TXLNB: variants seen among roughly 807,000 people sequenced by gnomAD.
TXLNB encodes the protein taxilin beta.
TXLNB carries 37 observed loss-of-function variants against 57.4 expected under a neutral mutation model. The ratio of observed to expected loss-of-function variants is 0.64; its 90% CI spans 0.50 to 0.85. The LOEUF is 0.85. Among genes scored for constraint, TXLNB ranks in the 40% least tolerant of loss-of-function variants. The pLI is 0.00. For missense variants in TXLNB, 848 were observed against 825.6 expected (o/e 1.03, Z -0.33); for synonymous variants, 302 against 309.6 (o/e 0.98, Z 0.26).
chr6:139,204,933 C>A, the TXLNB span, among the ~76,000 whole-genome samples: 2 of 152,184 alleles, frequency 1.3e-5, no homozygotes, highest in Non-Finnish European at 1.5e-5. Context: ...AACCACCCCC[C>A]ATCCCCACAG....
the TXLNB span, among the ~76,000 whole-genome samples, chr6:139,304,201 T>C: frequency 6.6e-6 from 1 of 152,198 alleles, no homozygotes; most frequent in Non-Finnish European, 1.5e-5. Flanking sequence ...TTGTTATTTA[T>C]TTGGCACTCT....
the TXLNB span, among the ~76,000 whole-genome samples, chr6:139,199,166 C>G: frequency 6.6e-6 from 1 of 152,120 alleles, no homozygotes; most frequent in East Asian, 1.9e-4. Flanking sequence ...ACACTCCGTT[C>G]AGCAAAATGA....
Position 139,272,069 on chromosome 6 carries a change from G to T in TXLNB, c.517-1443C>A, listed in dbSNP as rs1776778706. On this transcript the variant is annotated intron_variant, in intron 3 of 9. Coordinates refer to ENST00000358430, the MANE Select transcript of TXLNB (RefSeq NM_153235.4). ...CATGCCTGTAATCCCTGCACTTTTG[G>T]ATGCTGAGGCAGGCAGATCATGAGG... 2.0e-5 allele frequency among the ~76,000 whole-genome samples: 3 copies of T among 152,146 alleles called. No homozygotes were observed. The South Asian group carries it at 6.2e-4, about 32-fold the overall frequency.
the TXLNB span, among the ~76,000 whole-genome samples, chr6:139,306,033 C>T: frequency 6.6e-6 from 1 of 152,164 alleles, no homozygotes; most frequent in Non-Finnish European, 1.5e-5. Context: ...CAACAATTTT[C>T]ATTGAAGTGA....
chr6:139,225,211 T>C, the TXLNB span, among the ~76,000 whole-genome samples: 1 of 152,202 alleles, frequency 6.6e-6, no homozygotes, highest in African/African-American at 2.4e-5. Flanking sequence ...ACAGATGCCA[T>C]AGAGTAAACA....
In TXLNB at chr6:139,242,898, A is replaced by G. The variant is rs973125737; in HGVS notation, c.1683T>C (p.Pro561=). ...CACTGCCTCCTTCGGCTTCAGCCTGAGGAGTTAGGGGAGGCAGGGGACTCT... is the reference window on the plus strand; with the variant it reads ...CACTGCCTCCTTCGGCTTCAGCCTGGGGAGTTAGGGGAGGCAGGGGACTCT... The part of the protein sequence containing the change: ...DSESPLPPLT[P]QAEAEGGSDA... Residue 561 remains proline (P), a synonymous_variant, in exon 10 of 10, where the codon CCT becomes CCC. Coordinates refer to ENST00000358430, the MANE Select transcript of TXLNB (RefSeq NM_153235.4). The G allele has an allele frequency of 6.2e-7, 1 of 1,613,842 alleles. No individual in the cohort carries two copies. The highest frequency in any genetic ancestry group is 1.7e-5 in the Admixed American group (1 of 59,990).
chr6:139,246,575 C>T (rs1776070797), intron 8 of TXLNB, among the ~76,000 whole-genome samples: 1 of 151,964 alleles, frequency 6.6e-6, no homozygotes, highest in South Asian at 2.1e-4. Flanking sequence ...AATTTAACTT[C>T]ACAATCTTGT....
intron 6 of TXLNB, 75 bp downstream of exon 6, chr6:139,260,243 T>C (rs1427620633): frequency 1.3e-6 from 2 of 1,501,472 alleles, no homozygotes; most frequent in East Asian, 2.3e-5. Context: ...AATAAATAAA[T>C]ACAAAACAAC....
chr6:139,201,453 G>T, the TXLNB span, among the ~76,000 whole-genome samples: 2 of 152,180 alleles, frequency 1.3e-5, no homozygotes, highest in South Asian at 4.1e-4. Flanking sequence ...CTTATAACCT[G>T]ATGTTAACCA....
chr6:139,272,110 C>G (rs1776779957), intron 3 of TXLNB, among the ~76,000 whole-genome samples: 1 of 152,002 alleles, frequency 6.6e-6, no homozygotes, highest in African/African-American at 2.4e-5. Flanking sequence ...AGATCAAGAC[C>G]ATCCTGGCCA....
chr6:139,228,076 G>C, the TXLNB span, among the ~76,000 whole-genome samples: 16 of 152,322 alleles, frequency 1.1e-4, no homozygotes, highest in Non-Finnish European at 1.9e-4. Flanking sequence ...TATTTCCATA[G>C]AAGTTAATTA....
At chr6:139,200,449 C>T in the TXLNB span, among the ~76,000 whole-genome samples, 959 of 152,206 alleles carry the variant, frequency 6.3e-3, 6 homozygotes, top group African/African-American at 0.022. Context: ...CCATGTTTAG[C>T]GAGGACCCTG....
At chr6:139,255,951 G>A (rs1275045967) in intron 6 of TXLNB, among the ~76,000 whole-genome samples, 2 of 151,664 alleles carry the variant, frequency 1.3e-5, no homozygotes, top group Non-Finnish European at 2.9e-5. Context: ...GGGTGGTGGT[G>A]CATGCCCGCA....
intron 7 of TXLNB, among the ~76,000 whole-genome samples, chr6:139,248,353 G>A (rs531546691): frequency 1.8e-4 from 27 of 151,796 alleles, no homozygotes; most frequent in African/African-American, 4.6e-4. Context: ...AAAATTAGCC[G>A]GGCATGGTGG....
the TXLNB span, among the ~76,000 whole-genome samples, chr6:139,214,382 T>A: frequency 1.6e-4 from 25 of 152,166 alleles, no homozygotes; most frequent in Admixed American, 5.9e-4. Flanking sequence ...AAAAACCACA[T>A]GATTATCTCA....
the TXLNB span, among the ~76,000 whole-genome samples, chr6:139,164,073 C>G: frequency 9.2e-6 from 1 of 108,810 alleles, no homozygotes; most frequent in Non-Finnish European, 1.9e-5. Flanking sequence ...CACAAACACA[C>G]ACACACACTC....
chr6:139,227,683 T>A, the TXLNB span, among the ~76,000 whole-genome samples: 1 of 152,226 alleles, frequency 6.6e-6, no homozygotes, highest in African/African-American at 2.4e-5. Context: ...ATTCATACTA[T>A]AGATCACTAT....
chr6:139,297,587 T>G, the TXLNB span, among the ~76,000 whole-genome samples: 2 of 152,212 alleles, frequency 1.3e-5, no homozygotes, highest in African/African-American at 2.4e-5. Context: ...CCACGTGAAT[T>G]CCAGATCTGT....
chr6:139,213,237 C>A, the TXLNB span, among the ~76,000 whole-genome samples: 1 of 152,210 alleles, frequency 6.6e-6, no homozygotes, highest in African/African-American at 2.4e-5. Context: ...GTAAAACACT[C>A]CTCAGCAAAT....
Sources: allele counts gnomAD v4.1 joint callset (sites outside exome capture counted in the v4.1 genomes callset), GRCh38; gene constraint gnomAD v4.1.1; transcripts MANE v1.5; gene names NCBI Gene and HGNC (gene_info 2026-07-23, HGNC 2026-07-21).